Variants in EPHA5 observed in about 807,000 individuals in gnomAD.
The protein encoded by EPHA5 is EPH receptor A5.
In EPHA5, 60 loss-of-function variants were observed where a neutral mutation model predicts 105.0. The ratio of observed to expected loss-of-function variants is 0.57; its 90% CI spans 0.46 to 0.71. The LOEUF (loss-of-function observed/expected upper bound fraction) is 0.71, where lower values mean the gene tolerates loss of function less well. Among genes scored for constraint, EPHA5 ranks in the 30% least tolerant of loss-of-function variants. The pLI is 0.00. For synonymous variants in EPHA5, 513 were observed against 449.1 expected (o/e 1.14, Z -1.80); for missense variants, 1,218 against 1,274.7 (o/e 0.96, Z 0.68).
intron 14 of EPHA5, 27 bp from the exon 15 acceptor site, chr4:65,336,152 C>T (rs746021224): frequency 1.9e-6 from 3 of 1,552,208 alleles, no homozygotes; most frequent in South Asian, 2.4e-5. Flanking sequence ...AGAACCAGCA[C>T]CCCAACACCA....
chr4:65,388,006 C>T (rs894278678), intron 8 of EPHA5, among the ~76,000 whole-genome samples: 1 of 114,044 alleles, frequency 8.8e-6, no homozygotes, highest in Non-Finnish European at 1.7e-5. Flanking sequence ...TGTGATGTTC[C>T]CCTTCCTGTG....
In EPHA5 at chr4:65,490,684, G is replaced by A. The variant is rs2149214474; in HGVS notation, c.1095C>T (p.Ile365=). The part of the protein sequence containing the change: ...TRPPSAPRNA[I]SNVNETSVFL... The stretch of plus-strand genomic sequence containing the variant: ...AGACACTAGTTTCATTAACATTTGA[G>A]ATGGCATTCCGAGGAGCAGAGGGGG... Residue 365 remains isoleucine (I), a synonymous_variant, in exon 5 of 17, where the codon ATC becomes ATT. Transcript: ENST00000613740. The A allele has an allele frequency of 1.2e-6, 2 of 1,613,964 alleles. No individual in the cohort carries two copies. Among genetic ancestry groups the A allele is most frequent in the Non-Finnish European group, 8.5e-7 (1 of 1,179,868 alleles).
chr4:65,321,862 G>A lies in EPHA5; in HGVS notation c.*2252C>T. 1 of 226,042 alleles carries A rather than the reference G, an allele frequency of 4.4e-6. No homozygotes were observed. Among genetic ancestry groups the A allele is most frequent in the Non-Finnish European group, 8.8e-6 (1 of 113,500 alleles). 14.0% of individuals were successfully genotyped at this position (226,042 alleles called of 1,614,324 possible). A position where few individuals can be genotyped will look rare whatever the true frequency, so the allele number is the denominator to read the frequency against. ...AAGTTCATCAGCCCTAAAGCATATGGTAATTTTCCTTTTGAATCAATAAGG... is the reference window on the plus strand; with the variant it reads ...AAGTTCATCAGCCCTAAAGCATATGATAATTTTCCTTTTGAATCAATAAGG... On this transcript the variant is annotated 3_prime_UTR_variant, in exon 17 of 17. Coordinates refer to ENST00000613740, the MANE Select transcript of EPHA5 (RefSeq NM_001281766.3).
intron 3 of EPHA5, among the ~76,000 whole-genome samples, chr4:65,531,533 C>G (rs370119659): frequency 8.4e-6 from 1 of 119,334 alleles, no homozygotes; most frequent in African/African-American, 2.8e-5. Flanking sequence ...GCAGAATGAC[C>G]ATGATCCAGG....
intron 14 of EPHA5, among the ~76,000 whole-genome samples, chr4:65,341,337 A>T (rs2148824807): frequency 6.6e-6 from 1 of 152,144 alleles, no homozygotes; most frequent in Admixed American, 6.6e-5. Flanking sequence ...TTCACAAATT[A>T]AGTATTTTTG....
intron 2 of EPHA5, among the ~76,000 whole-genome samples, chr4:65,621,153 C>T (rs1180763863): frequency 6.6e-6 from 1 of 152,112 alleles, no homozygotes; most frequent in East Asian, 1.9e-4. Flanking sequence ...GAATAATGAA[C>T]ACTGCAGGGA....
chr4:65,349,171 T>C (rs567989632), intron 13 of EPHA5, among the ~76,000 whole-genome samples: 1 of 152,200 alleles, frequency 6.6e-6, no homozygotes, highest in South Asian at 2.1e-4. Flanking sequence ...GTGTTATTTC[T>C]TTTAGACTTG....
In EPHA5 at chr4:65,320,324, TTCA is replaced by T. The variant is rs141281063; in HGVS notation, c.*3787_*3789del. On this transcript the variant is annotated 3_prime_UTR_variant, in exon 17 of 17. Coordinates refer to ENST00000613740, the MANE Select transcript of EPHA5 (RefSeq NM_001281766.3). ...GCTAGCATTTTGATTCCATTTATTC[TTCA>T]TCATCATCATCATCATCATCATCAG... 0.014 allele frequency: 3,075 copies of T among 226,924 alleles called. 82 individuals carry two copies. The highest frequency in any genetic ancestry group is 0.058 in the African/African-American group (2,626 of 44,928). 14.1% of individuals were successfully genotyped at this position (226,924 alleles called of 1,614,324 possible).
intron 8 of EPHA5, 37 bp downstream of exon 8, chr4:65,404,337 A>G (rs772012241): frequency 1.0e-5 from 16 of 1,561,112 alleles, no homozygotes; most frequent in Non-Finnish European, 1.8e-6. Context: ...GGAAGAGATC[A>G]GCTGCAGAAC....
intron 3 of EPHA5, among the ~76,000 whole-genome samples, chr4:65,579,662 A>G (rs902511148): frequency 6.6e-6 from 1 of 151,860 alleles, no homozygotes. Context: ...TACACCATTG[A>G]CTAATTGCTT....
intron 5 of EPHA5, among the ~76,000 whole-genome samples, chr4:65,456,234 A>G (rs1434994948): frequency 6.6e-6 from 1 of 152,172 alleles, no homozygotes; most frequent in Non-Finnish European, 1.5e-5. Context: ...GCAGAGGCAG[A>G]TCTCTACTGT....
At chr4:65,430,073 A>G (rs766177828) in intron 5 of EPHA5, among the ~76,000 whole-genome samples, 10 of 152,082 alleles carry the variant, frequency 6.6e-5, no homozygotes, top group South Asian at 2.1e-4. Context: ...GTTACCAGAT[A>G]TTTAATTTTT....
chr4:65,486,886 G>C (rs953217686), intron 5 of EPHA5, among the ~76,000 whole-genome samples: 1 of 152,206 alleles, frequency 6.6e-6, no homozygotes, highest in African/African-American at 2.4e-5. Context: ...CCTCCTGGGA[G>C]GTGACTGGAT....
chr4:65,586,647 T>C (rs531329769), intron 3 of EPHA5, among the ~76,000 whole-genome samples: 15 of 150,938 alleles, frequency 9.9e-5, no homozygotes, highest in African/African-American at 1.5e-4. Flanking sequence ...TCCCAATGTG[T>C]TTTTTTTTCT....
At chr4:65,476,312 T>C (rs1265222064) in intron 5 of EPHA5, among the ~76,000 whole-genome samples, 2 of 152,088 alleles carry the variant, frequency 1.3e-5, no homozygotes, top group Non-Finnish European at 2.9e-5. Flanking sequence ...AATAACACAA[T>C]ACACAAAATT....
intron 3 of EPHA5, among the ~76,000 whole-genome samples, chr4:65,530,407 T>G (rs1188940816): frequency 5.5e-5 from 2 of 36,228 alleles, no homozygotes; most frequent in East Asian, 2.0e-3. Context: ...TGTAAACAGG[T>G]GTACATTTGT....
intron 3 of EPHA5, among the ~76,000 whole-genome samples, chr4:65,538,050 A>G (rs193090363): frequency 6.6e-6 from 1 of 151,848 alleles, no homozygotes; most frequent in Non-Finnish European, 1.5e-5. Context: ...AAAGGAAGGA[A>G]GATGTATTTG....
chr4:65,660,128 T>C (rs1439038628), intron 1 of EPHA5, among the ~76,000 whole-genome samples: 4 of 152,074 alleles, frequency 2.6e-5, no homozygotes, highest in Non-Finnish European at 4.4e-5. Flanking sequence ...GGACTAAATA[T>C]TCAAAATATT....
At chr4:65,609,596 A>G (rs1301605287) in intron 2 of EPHA5, among the ~76,000 whole-genome samples, 1 of 144,958 alleles carries the variant, frequency 6.9e-6, no homozygotes, top group Non-Finnish European at 1.5e-5. Flanking sequence ...GTAAATGTGA[A>G]TGGCAAGCTA....
Sources: allele counts gnomAD v4.1 joint callset (sites outside exome capture counted in the v4.1 genomes callset), GRCh38; gene constraint gnomAD v4.1.1; transcripts MANE v1.5; gene names NCBI Gene and HGNC (gene_info 2026-07-23, HGNC 2026-07-21).